PNPT1: variants seen among roughly 807,000 people sequenced by gnomAD.
The protein encoded by PNPT1 is polyribonucleotide nucleotidyltransferase 1.
Under a neutral mutation model 119.5 loss-of-function variants are expected in PNPT1, and 53 were observed. That is an observed-to-expected ratio of 0.44 (90% CI 0.36 to 0.56). The LOEUF is 0.56. Ranked by LOEUF, PNPT1 falls within the 20% of genes least tolerant of loss-of-function variation. The pLI, the probability that PNPT1 is intolerant of heterozygous loss-of-function variation, is 0.00. For missense variants in PNPT1, 948 were observed against 938.5 expected (o/e 1.01, Z -0.13); for synonymous variants, 357 against 322.1 (o/e 1.11, Z -1.16).
At chr2:55,667,178 A>T in intron 12 of PNPT1, 85 bp from the exon 13 acceptor site, 1 of 985,032 alleles carries the variant, frequency 1.0e-6, no homozygotes, top group Non-Finnish European at 1.6e-6. Flanking sequence ...GAAGTTCTCA[A>T]CCTCAGTTGT....
At chr2:55,648,136 C>T (rs1010205582) in intron 18 of PNPT1, among the ~76,000 whole-genome samples, 1 of 152,222 alleles carries the variant, frequency 6.6e-6, no homozygotes, top group Non-Finnish European at 1.5e-5. Flanking sequence ...TGGCAGCTAA[C>T]ATTAGTGTAT....
chr2:55,651,191 G>C, intron 18 of PNPT1, among the ~76,000 whole-genome samples: 1 of 152,022 alleles, frequency 6.6e-6, no homozygotes, highest in Non-Finnish European at 1.5e-5. Context: ...CCCCGTCTGG[G>C]AGGTGAGGGG....
At chr2:55,691,974 C>T (rs1156906899) in intron 1 of PNPT1, among the ~76,000 whole-genome samples, 2 of 148,252 alleles carry the variant, frequency 1.3e-5, no homozygotes, top group East Asian at 4.1e-4. Flanking sequence ...CAACCTCTGC[C>T]TCCTGGGTTC....
chr2:55,644,150 G>A (rs1373228), intron 23 of PNPT1, among the ~76,000 whole-genome samples: 141,933 of 152,256 alleles, frequency 0.93, 66,711 homozygotes, highest in African/African-American at 0.97. Flanking sequence ...CAGTTTCTCA[G>A]TGTTAGCAAA....
chr2:55,692,118 C>G (rs1320333463), intron 1 of PNPT1, among the ~76,000 whole-genome samples: 1 of 151,788 alleles, frequency 6.6e-6, no homozygotes, highest in Non-Finnish European at 1.5e-5. Flanking sequence ...CTCCTGACCT[C>G]AGGAGATCCA....
intron 3 of PNPT1, among the ~76,000 whole-genome samples, chr2:55,685,352 T>A (rs982986970): frequency 6.6e-6 from 1 of 152,144 alleles, no homozygotes; most frequent in South Asian, 2.1e-4. Context: ...CAGAAAGACC[T>A]TGTCTCTACC....
At chr2:55,645,645 T>G (rs1401601538) in intron 21 of PNPT1, among the ~76,000 whole-genome samples, 2 of 152,220 alleles carry the variant, frequency 1.3e-5, no homozygotes, top group Admixed American at 1.3e-4. Flanking sequence ...GAAATTTCAC[T>G]GGTAACCCAC....
intron 21 of PNPT1, among the ~76,000 whole-genome samples, chr2:55,645,694 C>T (rs569256777): frequency 6.6e-6 from 1 of 152,098 alleles, no homozygotes; most frequent in South Asian, 2.1e-4. Flanking sequence ...CTTAGTTGTG[C>T]TTCTTCTTTT....
intron 9 of PNPT1, among the ~76,000 whole-genome samples, chr2:55,672,606 C>T (rs1350277998): frequency 6.6e-6 from 1 of 152,188 alleles, no homozygotes; most frequent in Non-Finnish European, 1.5e-5. Context: ...ATTCAAATAT[C>T]TTAACGTTTT....
chr2:55,677,809 G>A (rs867150491), intron 8 of PNPT1, among the ~76,000 whole-genome samples: 56 of 150,634 alleles, frequency 3.7e-4, no homozygotes, highest in Middle Eastern at 3.2e-3. Context: ...GTGTGATCTC[G>A]GCTCACTGCA....
At chr2:55,669,763 T>G (rs1307559779) in intron 11 of PNPT1, among the ~76,000 whole-genome samples, 1 of 1,306 alleles carries the variant, frequency 7.7e-4, no homozygotes, top group Non-Finnish European at 3.8e-3. Context: ...CTAACAGCAC[T>G]TTTTTTTTTT....
chr2:55,644,583 A>T, intron 23 of PNPT1, 54 bp downstream of exon 23: 1 of 1,343,460 alleles, frequency 7.4e-7, no homozygotes, highest in Non-Finnish European at 1.0e-6. Flanking sequence ...GAAATAGCAA[A>T]CTTTTATGGT....
intron 3 of PNPT1, 78 bp downstream of exon 3, chr2:55,686,292 G>C: frequency 7.4e-7 from 1 of 1,358,704 alleles, no homozygotes; most frequent in South Asian, 1.3e-5. Flanking sequence ...CCACTCACTA[G>C]ACACTGGACA....
chr2:55,661,431 C>T (rs1696573304), intron 14 of PNPT1, among the ~76,000 whole-genome samples: 1 of 152,040 alleles, frequency 6.6e-6, no homozygotes, highest in Non-Finnish European at 1.5e-5. Context: ...TTGATTTGGC[C>T]TGCAATAAAG....
intron 18 of PNPT1, among the ~76,000 whole-genome samples, chr2:55,649,709 T>C (rs542012822): frequency 1.3e-5 from 2 of 152,326 alleles, no homozygotes; most frequent in Admixed American, 6.5e-5. Flanking sequence ...AAGTTCCCCA[T>C]TGCCTACTTT....
chr2:55,665,467 A>ATG (rs1696704526), intron 13 of PNPT1, among the ~76,000 whole-genome samples: 1 of 152,226 alleles, frequency 6.6e-6, no homozygotes, highest in African/African-American at 2.4e-5. Context: ...ATATATATAT[A>ATG]AAGTTTGTTA....
chr2:55,659,358 T>C (rs981807619), intron 15 of PNPT1, among the ~76,000 whole-genome samples: 1 of 152,208 alleles, frequency 6.6e-6, no homozygotes, highest in Non-Finnish European at 1.5e-5. Flanking sequence ...CAATTATCTA[T>C]AATCATCTCA....
intron 1 of PNPT1, among the ~76,000 whole-genome samples, chr2:55,688,872 A>C (rs1697504431): frequency 6.6e-6 from 1 of 152,242 alleles, no homozygotes; most frequent in Non-Finnish European, 1.5e-5. Context: ...AACAATTTTC[A>C]ATTCAATGAG....
At position 55,636,166 on chromosome 2, in the gene PNPT1, A is replaced by G. The variant is rs72930820; in HGVS notation, c.*71T>C. The G allele has an allele frequency of 5.5e-3, 6,053 of 1,108,716 alleles. 240 individuals are homozygous for G. In the African/African-American group the frequency reaches 0.083, roughly 15 times the overall value. 68.7% of individuals were successfully genotyped at this position (1,108,716 alleles called of 1,614,324 possible). A position where few individuals can be genotyped will look rare whatever the true frequency, so the allele number is the denominator to read the frequency against. On this transcript the variant is annotated 3_prime_UTR_variant, in exon 28 of 28. Coordinates refer to ENST00000447944, the MANE Select transcript of PNPT1 (RefSeq NM_033109.5). Reference sequence around the variant, plus strand: ...AGAAATCTACACAATGGAAGATACTACTAAAATGTTGCTCTACAGCACATC... The same window carrying G: ...AGAAATCTACACAATGGAAGATACTGCTAAAATGTTGCTCTACAGCACATC...
Sources: gnomAD v4.1 joint callset for allele counts (sites outside exome capture counted in the v4.1 genomes callset) on GRCh38, gnomAD v4.1.1 for gene constraint, MANE v1.5 for transcripts, NCBI Gene and HGNC (gene_info 2026-07-23, HGNC 2026-07-21) for gene names.